The following CLTCL1 variants were observed in gnomAD, a reference collection of about 807,000 sequenced individuals.
CLTCL1 encodes the protein clathrin heavy chain 2.
CLTCL1 carries 159 observed loss-of-function variants against 190.0 expected under a neutral mutation model. The ratio of observed to expected loss-of-function variants is 0.84; its 90% CI spans 0.74 to 0.95. The LOEUF is 0.95. CLTCL1 is among the 40% of genes least tolerant of loss of function. The pLI is 0.00. For missense variants in CLTCL1, 1,878 were observed against 2,033.4 expected, an observed-to-expected ratio of 0.92 and a Z score of 1.47; for synonymous variants, 752 against 769.6, an observed-to-expected ratio of 0.98 and a Z score of 0.38.
chr22:19,238,595 C>T (rs2086153908), intron 5 of CLTCL1: 1 of 210,076 alleles, frequency 4.8e-6, no homozygotes, highest in Admixed American at 4.3e-5. Flanking sequence ...ACAAGAACTT[C>T]AGGTCTCATA....
intron 24 of CLTCL1, among the ~76,000 whole-genome samples, chr22:19,197,898 G>T (rs1256979700): frequency 6.6e-6 from 1 of 152,142 alleles, no homozygotes; most frequent in East Asian, 1.9e-4. Flanking sequence ...CCAGGGGACT[G>T]CAGGCAAACA....
At chr22:19,201,638 A>G in intron 22 of CLTCL1, 145 bp from the exon 23 acceptor site, 1 of 921,200 alleles carries the variant, frequency 1.1e-6, no homozygotes, top group Non-Finnish European at 1.6e-6. Flanking sequence ...GACCAGATGA[A>G]GTTGGCCTTG....
intron 30 of CLTCL1, chr22:19,181,794 C>G (rs1159747395): frequency 2.0e-5 from 3 of 152,280 alleles, no homozygotes; most frequent in Non-Finnish European, 4.4e-5. Context: ...GCCCCCTCCT[C>G]TCCTTGAACT....
At chr22:19,237,504 A>G (rs2145911231) in intron 5 of CLTCL1, among the ~76,000 whole-genome samples, 1 of 152,300 alleles carries the variant, frequency 6.6e-6, no homozygotes, top group South Asian at 2.1e-4. Context: ...TGGTCAGGAG[A>G]GTCTGTGATG....
chr22:19,267,852 G>A (rs150356922), intron 2 of CLTCL1, among the ~76,000 whole-genome samples: 248 of 150,848 alleles, frequency 1.6e-3, no homozygotes, highest in African/African-American at 5.4e-3. Context: ...CCAAGATTGC[G>A]CCCCTGCACT....
chr22:19,201,027 G>A (rs781981383), intron 23 of CLTCL1, among the ~76,000 whole-genome samples: 25 of 152,194 alleles, frequency 1.6e-4, no homozygotes, highest in Non-Finnish European at 3.2e-4. Flanking sequence ...GACCAATAAT[G>A]TAAATTTACA....
Position 19,272,364 on chromosome 22 carries a change from A to G in CLTCL1, c.250+3259T>C, listed in dbSNP as rs892189905. Among the ~76,000 whole-genome samples, 3 of 152,222 alleles carry G rather than the reference A, an allele frequency of 2.0e-5. No homozygotes were observed. In the East Asian group the frequency reaches 5.8e-4, roughly 29 times the overall value. On this transcript the variant is annotated intron_variant, in intron 2 of 32. Coordinates refer to ENST00000427926, the MANE Select transcript of CLTCL1 (RefSeq NM_007098.4). ...CCAGGCTTCTCCAGAAAGCCGGGCA[A>G]TGACGTGGGCTGAGTATCTCTGAGC... is the stretch of plus-strand genomic sequence containing the variant.
chr22:19,226,427 T>C, intron 11 of CLTCL1, 44 bp from the exon 12 acceptor site: 2 of 1,608,686 alleles, frequency 1.2e-6, no homozygotes, highest in Non-Finnish European at 1.7e-6. Flanking sequence ...TCAATGGCAA[T>C]AACTTTTTAA....
chr22:19,269,189 C>A (rs1029923798), intron 2 of CLTCL1, among the ~76,000 whole-genome samples: 7 of 151,582 alleles, frequency 4.6e-5, no homozygotes, highest in Non-Finnish European at 1.0e-4. Context: ...ATCATGAGGT[C>A]AGGACTTCAA....
At chr22:19,239,073 C>G (rs917265044) in intron 5 of CLTCL1, among the ~76,000 whole-genome samples, 12 of 152,194 alleles carry the variant, frequency 7.9e-5, no homozygotes, top group African/African-American at 2.2e-4. Flanking sequence ...TGCCCTAACT[C>G]ACCCTCATGC....
chr22:19,233,082 G>A, intron 9 of CLTCL1, 84 bp downstream of exon 9: 1 of 1,417,888 alleles, frequency 7.1e-7, no homozygotes. Context: ...TTACAAAGAA[G>A]GGTATTTTAT....
chr22:19,213,676 G>A (rs1273362090), intron 19 of CLTCL1, among the ~76,000 whole-genome samples: 1 of 152,218 alleles, frequency 6.6e-6, no homozygotes, highest in Non-Finnish European at 1.5e-5. Context: ...AAAGAAGCCT[G>A]TCACAGAGGA....
intron 11 of CLTCL1, among the ~76,000 whole-genome samples, chr22:19,228,422 T>C (rs2085820266): frequency 6.6e-6 from 1 of 152,204 alleles, no homozygotes; most frequent in South Asian, 2.1e-4. Context: ...TTAGGGTCTG[T>C]CTGCCAAGTT....
At chr22:19,244,803 G>A (rs2086365731) in intron 3 of CLTCL1, among the ~76,000 whole-genome samples, 1 of 152,176 alleles carries the variant, frequency 6.6e-6, no homozygotes, top group South Asian at 2.1e-4. Context: ...GTCAAATTTT[G>A]GTAAAGGCAT....
intron 17 of CLTCL1, 141 bp downstream of exon 17, chr22:19,221,236 T>G: frequency 7.4e-6 from 5 of 675,088 alleles, no homozygotes; most frequent in South Asian, 2.0e-5. Flanking sequence ...CCAAAAGCTG[T>G]GAGAATCACA....
chr22:19,271,987 T>C (rs114283982), intron 2 of CLTCL1, among the ~76,000 whole-genome samples: 317 of 152,292 alleles, frequency 2.1e-3, no homozygotes, highest in African/African-American at 7.3e-3. Flanking sequence ...CATGTGCCTG[T>C]AGTCCTAGCT....
At chr22:19,244,962 G>A (rs1420963124) in intron 3 of CLTCL1, among the ~76,000 whole-genome samples, 2 of 152,142 alleles carry the variant, frequency 1.3e-5, no homozygotes, top group Admixed American at 1.3e-4. Flanking sequence ...ACAAGCAACT[G>A]CAATACAGAG....
At chr22:19,183,358 G>A in intron 30 of CLTCL1, 32 bp downstream of exon 30, 2 of 1,586,048 alleles carry the variant, frequency 1.3e-6, no homozygotes, top group Non-Finnish European at 1.7e-6. Context: ...GCCACACAGG[G>A]GCCGGGGAGC....
intron 16 of CLTCL1, 57 bp downstream of exon 16, chr22:19,221,891 AAAC>A (rs1248107754): frequency 1.3e-6 from 2 of 1,578,864 alleles, no homozygotes; most frequent in Non-Finnish European, 8.6e-7. Context: ...AATTAGACAG[AAAC>A]AACAACAGAC....
Sources: gnomAD v4.1 joint callset for allele counts (sites outside exome capture counted in the v4.1 genomes callset) on GRCh38, gnomAD v4.1.1 for gene constraint, MANE v1.5 for transcripts, NCBI Gene and HGNC (gene_info 2026-07-23, HGNC 2026-07-21) for gene names.